Variants in CWC27 observed in about 807,000 individuals in gnomAD.
The protein encoded by CWC27 is spliceosome-associated protein CWC27 homolog.
CWC27 carries 47 observed loss-of-function variants against 63.6 expected under a neutral mutation model. That is an observed-to-expected ratio of 0.74 (90% CI 0.58 to 0.94). CWC27 has a LOEUF of 0.94. Ranked by LOEUF, CWC27 falls within the 40% of genes least tolerant of loss-of-function variation. The probability of loss-of-function intolerance (pLI) is 0.00; values close to 1 mark genes in which losing one functional copy is unlikely to be tolerated. For synonymous variants in CWC27, 175 were observed against 179.8 expected, an observed-to-expected ratio of 0.97 and a Z score of 0.22; for missense variants, 495 against 554.3, an observed-to-expected ratio of 0.89 and a Z score of 1.07.
At chr5:64,955,461 G>A (rs981224121) in intron 11 of CWC27, among the ~76,000 whole-genome samples, 1 of 152,084 alleles carries the variant, frequency 6.6e-6, no homozygotes, top group African/African-American at 2.4e-5. Flanking sequence ...CAAGCAATAT[G>A]ACCTGTTAGC....
intron 11 of CWC27, among the ~76,000 whole-genome samples, chr5:64,963,318 A>G (rs1002493314): frequency 1.3e-5 from 2 of 152,190 alleles, no homozygotes; most frequent in African/African-American, 4.8e-5. Flanking sequence ...AGGCAATAAA[A>G]AAGAGTAGGT....
At chr5:64,818,361 T>G (rs1008889343) in intron 10 of CWC27, among the ~76,000 whole-genome samples, 1 of 152,212 alleles carries the variant, frequency 6.6e-6, no homozygotes. Flanking sequence ...ATATAATGAC[T>G]TCCTGCCAAT....
chr5:64,965,688 A>G (rs1749001068), intron 11 of CWC27, among the ~76,000 whole-genome samples: 1 of 152,210 alleles, frequency 6.6e-6, no homozygotes, highest in African/African-American at 2.4e-5. Flanking sequence ...TGGTTTTGCA[A>G]TCGATTTTTT....
intron 9 of CWC27, among the ~76,000 whole-genome samples, chr5:64,801,610 C>T (rs1192624651): frequency 3.3e-5 from 5 of 151,756 alleles, no homozygotes; most frequent in Admixed American, 6.6e-5. Flanking sequence ...CATAACATTA[C>T]GTTAATACTC....
intron 10 of CWC27, among the ~76,000 whole-genome samples, chr5:64,824,824 C>T (rs1257252599): frequency 6.6e-6 from 1 of 150,742 alleles, no homozygotes; most frequent in African/African-American, 2.4e-5. Context: ...CCTCCGCCTC[C>T]CAGGTTCAAG....
intron 2 of CWC27, among the ~76,000 whole-genome samples, chr5:64,775,186 A>G (rs759284825): frequency 1.2e-4 from 19 of 152,168 alleles, no homozygotes; most frequent in Non-Finnish European, 2.6e-4. Context: ...TCTTCCTAGT[A>G]CTAATTTACA....
intron 11 of CWC27, among the ~76,000 whole-genome samples, chr5:64,920,410 C>A (rs1747975083): frequency 6.6e-6 from 1 of 152,162 alleles, no homozygotes; most frequent in Non-Finnish European, 1.5e-5. Flanking sequence ...CCATGTTTAT[C>A]AGGGATATTG....
At chr5:64,780,963 G>A (rs749458955) in intron 2 of CWC27, among the ~76,000 whole-genome samples, 7 of 152,016 alleles carry the variant, frequency 4.6e-5, no homozygotes, top group Non-Finnish European at 7.4e-5. Context: ...GGTCATTATT[G>A]CTACTTCTTA....
At chr5:64,957,207 G>C (rs913925595) in intron 11 of CWC27, among the ~76,000 whole-genome samples, 1 of 152,030 alleles carries the variant, frequency 6.6e-6, no homozygotes, top group Non-Finnish European at 1.5e-5. Flanking sequence ...TGCTTAATTC[G>C]CCTTGGGCAA....
At chr5:64,931,929 T>C (rs1748245234) in intron 11 of CWC27, among the ~76,000 whole-genome samples, 1 of 152,122 alleles carries the variant, frequency 6.6e-6, no homozygotes, top group African/African-American at 2.4e-5. Flanking sequence ...ATTAGGTTCC[T>C]TTTATATATT....
At chr5:64,824,866 G>T (rs1362629842) in intron 10 of CWC27, among the ~76,000 whole-genome samples, 1 of 150,990 alleles carries the variant, frequency 6.6e-6, no homozygotes, top group African/African-American at 2.4e-5. Context: ...CCTAGTAGCT[G>T]GGACTACAGG....
At position 64,855,238 on chromosome 5, in the gene CWC27, G is replaced by C. The variant is rs111502909; in HGVS notation, c.939-30205G>C. Among the ~76,000 whole-genome samples, 735 of 152,252 alleles carry C rather than the reference G, an allele frequency of 4.8e-3. 5 individuals carry two copies. Among genetic ancestry groups the C allele is most frequent in the African/African-American group, 0.017 (693 of 41,566 alleles). ...TTGGGAATAAATAAGAAAAGAGCAG[G>C]AAGTTTTCATCTCCAAGTAATTATT... On this transcript the variant is annotated intron_variant, in intron 10 of 13. Transcript: ENST00000381070.
In CWC27 at chr5:64,783,956, A is replaced by G; in HGVS notation, c.373A>G (p.Asn125Asp). 1 of 1,593,112 alleles carries G rather than the reference A, an allele frequency of 6.3e-7. No homozygotes were observed. Among genetic ancestry groups the G allele is most frequent in the Non-Finnish European group, 8.5e-7 (1 of 1,170,912 alleles). The change falls in exon 4 of 14, where the codon AAT becomes GAT. Residue 125 changes from asparagine (N) to aspartate (D), a missense_variant. Transcript: ENST00000381070. ...FTLGRADELN[N>D]KHTIFGKVTG... Reference sequence around the variant, plus strand: ...ACTGGGTCGAGCAGATGAACTTAACAATAAGCATACCATCTTTGGAAAGGT... The same window carrying G: ...ACTGGGTCGAGCAGATGAACTTAACGATAAGCATACCATCTTTGGAAAGGT...
intron 2 of CWC27, among the ~76,000 whole-genome samples, chr5:64,777,682 T>C (rs1053447361): frequency 2.6e-5 from 4 of 152,124 alleles, no homozygotes; most frequent in African/African-American, 9.7e-5. Context: ...AGGAGGATAT[T>C]ATGAACGTGC....
intron 11 of CWC27, among the ~76,000 whole-genome samples, chr5:64,959,091 T>C (rs1748856707): frequency 6.6e-6 from 1 of 152,128 alleles, no homozygotes; most frequent in South Asian, 2.1e-4. Context: ...TAGTCCATAG[T>C]ATAGAAAAAA....
chr5:64,892,990 C>T (rs144173193), intron 11 of CWC27, among the ~76,000 whole-genome samples: 183 of 152,304 alleles, frequency 1.2e-3, no homozygotes, highest in African/African-American at 4.2e-3. Context: ...TATTTGGAGC[C>T]TACATTGAAA....
chr5:64,810,260 G>A (rs1313680596), intron 10 of CWC27, among the ~76,000 whole-genome samples: 3 of 152,086 alleles, frequency 2.0e-5, no homozygotes, highest in African/African-American at 7.2e-5. Flanking sequence ...TGAGGTGTCT[G>A]TTTTTATGCA....
At chr5:64,897,930 A>G (rs7707317) in intron 11 of CWC27, among the ~76,000 whole-genome samples, 287 of 146,346 alleles carry the variant, frequency 2.0e-3, no homozygotes, top group African/African-American at 7.2e-3. Flanking sequence ...TAAGTAAGCA[A>G]TTCCATTATA....
intron 11 of CWC27, among the ~76,000 whole-genome samples, chr5:64,939,665 T>G (rs1440608556): frequency 2.6e-5 from 4 of 152,242 alleles, no homozygotes; most frequent in Non-Finnish European, 5.9e-5. Context: ...ATCGCTGCTC[T>G]CTTTAGAGCC....
Sources: gnomAD v4.1 joint callset for allele counts (sites outside exome capture counted in the v4.1 genomes callset) on GRCh38, gnomAD v4.1.1 for gene constraint, MANE v1.5 for transcripts, NCBI Gene and HGNC (gene_info 2026-07-23, HGNC 2026-07-21) for gene names.